Variants in PCSK6 observed in about 807,000 individuals in gnomAD.
The protein encoded by PCSK6 is proprotein convertase subtilisin/kexin type 6, also known as paired basic amino acid cleaving enzyme 4.
Under a neutral mutation model 123.3 loss-of-function variants are expected in PCSK6, and 85 were observed. The observed-to-expected ratio is 0.69, with a 90% CI of 0.58 to 0.83. The LOEUF is 0.83. Ranked by LOEUF, PCSK6 falls within the 40% of genes least tolerant of loss-of-function variation. The probability of loss-of-function intolerance (pLI) is 0.00; values close to 1 mark genes in which losing one functional copy is unlikely to be tolerated. For synonymous variants in PCSK6, 508 were observed against 516.0 expected (o/e 0.98, Z 0.21); for missense variants, 1,191 against 1,282.3 (o/e 0.93, Z 1.09).
chr15:101,316,062 G>A (rs2039984217), intron 19 of PCSK6, among the ~76,000 whole-genome samples: 1 of 152,236 alleles, frequency 6.6e-6, no homozygotes, highest in African/African-American at 2.4e-5. Flanking sequence ...TCACTGAATG[G>A]GAACAGGGAG....
chr15:101,448,612 T>A (rs1325636934), intron 1 of PCSK6, among the ~76,000 whole-genome samples: 1 of 152,238 alleles, frequency 6.6e-6, no homozygotes, highest in Admixed American at 6.5e-5. Flanking sequence ...TTCATTTTCA[T>A]AACAACTGTA....
intron 6 of PCSK6, among the ~76,000 whole-genome samples, chr15:101,399,889 C>T (rs571541248): frequency 6.6e-6 from 1 of 152,286 alleles, no homozygotes; most frequent in East Asian, 1.9e-4. Flanking sequence ...ATGCCTTCAT[C>T]AAGACGAATT....
At chr15:101,357,782 C>A (rs1047029372) in intron 13 of PCSK6, among the ~76,000 whole-genome samples, 1 of 152,180 alleles carries the variant, frequency 6.6e-6, no homozygotes, top group African/African-American at 2.4e-5. Flanking sequence ...CACGGATTTT[C>A]ACCCTTCCTC....
intron 20 of PCSK6, chr15:101,308,407 G>A (rs1459855731): frequency 6.6e-6 from 1 of 152,332 alleles, no homozygotes; most frequent in Non-Finnish European, 1.5e-5. Flanking sequence ...CAGACACCAG[G>A]CCTCCTCGTG....
In PCSK6 at chr15:101,331,650, C is replaced by G; in HGVS notation, c.2077+1G>C. On this transcript the variant is annotated splice_donor_variant, in intron 15 of 21. Transcript: ENST00000611716. LOFTEE classifies it high-confidence loss of function. Reference sequence around the variant, plus strand: ...TACTTACTGGTTTGAAGCATACTTACTGGTCTGTAAAATATTAGCAGAGCC... The same window carrying G: ...TACTTACTGGTTTGAAGCATACTTAGTGGTCTGTAAAATATTAGCAGAGCC... The G allele has an allele frequency of 1.9e-6, 3 of 1,613,396 alleles. No individual in the cohort carries two copies. The highest frequency in any genetic ancestry group is 2.5e-6 in the Non-Finnish European group (3 of 1,179,522).
chr15:101,460,722 C>T (rs28458325), intron 1 of PCSK6, among the ~76,000 whole-genome samples: 117,223 of 152,154 alleles, frequency 0.77, 45,501 homozygotes, highest in Non-Finnish European at 0.82. Flanking sequence ...TGCAATTAAG[C>T]TGGAGGTCAA....
At chr15:101,464,953 C>CA (rs1371007141) in intron 1 of PCSK6, among the ~76,000 whole-genome samples, 1 of 69,194 alleles carries the variant, frequency 1.4e-5, no homozygotes, top group Non-Finnish European at 4.6e-5. Flanking sequence ...AGCAAGGGGA[C>CA]AGAGGCTACT....
At chr15:101,471,621 T>C (rs2057606120) in intron 1 of PCSK6, among the ~76,000 whole-genome samples, 2 of 152,370 alleles carry the variant, frequency 1.3e-5, no homozygotes, top group East Asian at 1.9e-4. Context: ...CATTATTTGC[T>C]TATAGATTTA....
At chr15:101,366,460 G>T in intron 12 of PCSK6, 128 bp from the exon 13 acceptor site, 1 of 923,472 alleles carries the variant, frequency 1.1e-6, no homozygotes, top group Non-Finnish European at 1.6e-6. Context: ...GGGTAGCGGG[G>T]GTCTGGCCCC....
intron 6 of PCSK6, among the ~76,000 whole-genome samples, chr15:101,416,149 CA>C (rs1184151491): frequency 6.6e-6 from 1 of 152,092 alleles, no homozygotes; most frequent in African/African-American, 2.4e-5. Flanking sequence ...ATGGCTTTGA[CA>C]AAAATGCTGA....
intron 1 of PCSK6, among the ~76,000 whole-genome samples, chr15:101,470,686 C>T (rs111243959): frequency 3.9e-5 from 6 of 152,282 alleles, no homozygotes; most frequent in African/African-American, 1.4e-4. Context: ...CCCACTTCTC[C>T]AACGTGCCCT....
chr15:101,389,883 T>C (rs2042173960), intron 8 of PCSK6, among the ~76,000 whole-genome samples: 4 of 152,068 alleles, frequency 2.6e-5, no homozygotes, highest in Admixed American at 2.0e-4. Context: ...TAAAACAACA[T>C]GAAACCAAGA....
intron 6 of PCSK6, among the ~76,000 whole-genome samples, chr15:101,406,495 G>A (rs537381877): frequency 1.3e-5 from 2 of 152,220 alleles, no homozygotes; most frequent in East Asian, 3.9e-4. Flanking sequence ...AGAGAATTAT[G>A]TTTTGTTTTT....
At chr15:101,417,453 T>A (rs1481344480) in intron 6 of PCSK6, among the ~76,000 whole-genome samples, 3 of 152,152 alleles carry the variant, frequency 2.0e-5, no homozygotes, top group Non-Finnish European at 4.4e-5. Context: ...GAACCCAATA[T>A]AAGAAACTTA....
chr15:101,326,629 G>A (rs530122763), intron 15 of PCSK6, 150 bp from the exon 16 acceptor site: 67 of 694,834 alleles, frequency 9.6e-5, no homozygotes, highest in East Asian at 1.4e-4. Flanking sequence ...ACGACAAGGC[G>A]GGAGCAGCCG....
intron 12 of PCSK6, among the ~76,000 whole-genome samples, chr15:101,368,083 T>C (rs1386372927): frequency 1.3e-5 from 2 of 152,236 alleles, no homozygotes; most frequent in African/African-American, 2.4e-5. Flanking sequence ...CTCAAAGTGC[T>C]GGGACTACAG....
chr15:101,479,671 G>A (rs2057822630), intron 1 of PCSK6, among the ~76,000 whole-genome samples: 1 of 152,162 alleles, frequency 6.6e-6, no homozygotes, highest in Non-Finnish European at 1.5e-5. Flanking sequence ...AGAACGGTGT[G>A]GGGCACAGGA....
rs1596183684 is a variant in PCSK6 at position 101,324,594 on chromosome 15, T to C, written c.2377+256A>G. Among the ~76,000 whole-genome samples, 5 of 152,314 alleles carry C rather than the reference T, an allele frequency of 3.3e-5. No homozygotes were observed. The South Asian group carries it at 1.0e-3, about 32-fold the overall frequency. On this transcript the variant is annotated intron_variant, in intron 17 of 21. Transcript: ENST00000611716. ...TTGACTCTGTTGCAGGTGGGTGAAATTCCCTGGACAGCCAGGATGTCTCTC... is the reference window on the plus strand; with the variant it reads ...TTGACTCTGTTGCAGGTGGGTGAAACTCCCTGGACAGCCAGGATGTCTCTC...
intron 1 of PCSK6, among the ~76,000 whole-genome samples, chr15:101,460,331 G>C (rs1339532118): frequency 6.6e-6 from 1 of 151,956 alleles, no homozygotes; most frequent in African/African-American, 2.4e-5. Context: ...ACCATTCCCT[G>C]GCCTTCCTTC....
Sources: gnomAD v4.1 joint callset for allele counts (sites outside exome capture counted in the v4.1 genomes callset) on GRCh38, gnomAD v4.1.1 for gene constraint, MANE v1.5 for transcripts, NCBI Gene and HGNC (gene_info 2026-07-23, HGNC 2026-07-21) for gene names.